The following CNKSR2 variants were observed in gnomAD, a reference collection of about 807,000 sequenced individuals.
The protein encoded by CNKSR2 is connector enhancer of kinase suppressor of Ras 2.
CNKSR2 carries 14 observed loss-of-function variants against 84.4 expected under a neutral mutation model. The ratio of observed to expected loss-of-function variants is 0.17; its 90% CI spans 0.11 to 0.26. The LOEUF is 0.26. CNKSR2 is among the 10% of genes least tolerant of loss of function. CNKSR2 has a pLI of 1.00. For missense variants in CNKSR2, 485 were observed against 771.2 expected (o/e 0.63, Z 4.40); for synonymous variants, 275 against 277.9 (o/e 0.99, Z 0.10).
rs757840420 is a variant in CNKSR2 at position 21,642,489 on chromosome X, G to T, written c.2693-6342G>T. The stretch of plus-strand genomic sequence containing the variant: ...ATACTATGTAACTGGGTCCCCTATG[G>T]CTCAATCAATATTGCTTATTTTTCT... On this transcript the variant is annotated intron_variant, in intron 20 of 21. Coordinates refer to ENST00000379510, the MANE Select transcript of CNKSR2 (RefSeq NM_014927.5). The T allele has an allele frequency of 8.0e-6, 6 of 750,290 alleles. No homozygotes were observed. The South Asian group carries it at 4.1e-4, about 51-fold the overall frequency. 61.8% of individuals were successfully genotyped at this position (750,290 alleles called of 1,213,427 possible).
intron 4 of CNKSR2, among the ~76,000 whole-genome samples, chrX:21,469,281 A>G (rs2091167204): frequency 8.9e-6 from 1 of 111,995 alleles, no homozygotes; most frequent in African/African-American, 3.2e-5. Context: ...CTTTTCCCAG[A>G]TTATCTCTCC....
chrX:21,597,907 C>T (rs2147262615), intron 17 of CNKSR2, among the ~76,000 whole-genome samples: 1 of 107,469 alleles, frequency 9.3e-6, no homozygotes, highest in South Asian at 4.0e-4. Context: ...TTTTCTGTTC[C>T]TCATTTAAAA....
intron 5 of CNKSR2, among the ~76,000 whole-genome samples, chrX:21,486,049 T>C (rs1047759576): frequency 9.0e-6 from 1 of 111,592 alleles, no homozygotes; most frequent in African/African-American, 3.3e-5. Context: ...ACAGAATTGC[T>C]TGAACCCGGG....
chrX:21,567,679 A>C (rs372088577), intron 13 of CNKSR2, among the ~76,000 whole-genome samples: 11 of 111,633 alleles, frequency 9.9e-5, no homozygotes, highest in African/African-American at 3.3e-4. Context: ...TCAAAAGAGC[A>C]TAACTTTATT....
At chrX:21,624,418 A>G (rs2092614232) in intron 20 of CNKSR2, among the ~76,000 whole-genome samples, 1 of 112,254 alleles carries the variant, frequency 8.9e-6, no homozygotes, top group Non-Finnish European at 1.9e-5. Context: ...TTTTGCCTAC[A>G]AAATCATAAT....
chrX:21,533,354 C>T (rs894991857), intron 11 of CNKSR2, among the ~76,000 whole-genome samples: 3 of 109,943 alleles, frequency 2.7e-5, no homozygotes, highest in Non-Finnish European at 5.7e-5. Context: ...TTCATTCATT[C>T]CACAAGTACT....
chrX:21,436,121 G>A (rs755901564), intron 3 of CNKSR2, among the ~76,000 whole-genome samples: 35 of 111,222 alleles, frequency 3.1e-4, no homozygotes, highest in Admixed American at 1.2e-3. Flanking sequence ...CACATCAAAC[G>A]CTACCAGATA....
intron 20 of CNKSR2, among the ~76,000 whole-genome samples, chrX:21,636,914 T>C (rs2092674783): frequency 9.0e-6 from 1 of 111,641 alleles, no homozygotes; most frequent in African/African-American, 3.2e-5. Context: ...ACATTTGCAA[T>C]GACAGTATCA....
intron 20 of CNKSR2, among the ~76,000 whole-genome samples, chrX:21,616,411 T>C (rs1015158575): frequency 1.8e-5 from 2 of 111,722 alleles, no homozygotes; most frequent in African/African-American, 6.5e-5. Context: ...CCTTTCAATT[T>C]TATTATTTAT....
rs2092723818 is a variant in CNKSR2, at chrX:21,652,686, A to G, written c.*165A>G. On this transcript the variant is annotated 3_prime_UTR_variant, in exon 22 of 22. Transcript: ENST00000379510. ...CACAATACCACTATCTTTAATGAGC[A>G]TTTGTATATTTTATATGCAACAGTG... is the stretch of plus-strand genomic sequence containing the variant. The G allele has an allele frequency of 1.9e-5, 8 of 424,125 alleles. No individual in the cohort carries two copies. In the East Asian group the frequency reaches 3.1e-4, roughly 16 times the overall value. 35.0% of individuals were successfully genotyped at this position (424,125 alleles called of 1,213,427 possible).
chrX:21,600,779 G>A (rs1003030973), intron 17 of CNKSR2, among the ~76,000 whole-genome samples: 1 of 112,340 alleles, frequency 8.9e-6, no homozygotes, highest in Non-Finnish European at 1.9e-5. Context: ...ACAAGTGTCC[G>A]AAGTACTCCC....
chrX:21,463,131 C>T (rs905931635), intron 4 of CNKSR2, among the ~76,000 whole-genome samples: 1 of 111,563 alleles, frequency 9.0e-6, no homozygotes, highest in African/African-American at 3.3e-5. Flanking sequence ...ATGTATCACA[C>T]TGACTGATTT....
intron 13 of CNKSR2, among the ~76,000 whole-genome samples, chrX:21,577,585 T>C (rs766396909): frequency 9.0e-6 from 1 of 110,649 alleles, no homozygotes; most frequent in African/African-American, 3.3e-5. Flanking sequence ...CCTAGCTTTA[T>C]AGCCTCAGAA....
intron 11 of CNKSR2, among the ~76,000 whole-genome samples, chrX:21,547,030 A>C (rs548492049): frequency 1.8e-5 from 2 of 112,053 alleles, no homozygotes; most frequent in Admixed American, 1.9e-4. Context: ...CTAATGGGCA[A>C]AATAACCAGC....
At position 21,432,781 on chromosome X, in the gene CNKSR2, G is replaced by C. The variant is rs1382460477; in HGVS notation, c.398G>C (p.Gly133Ala). The change falls in exon 3 of 22, where the codon GGA becomes GCA. Residue 133 changes from glycine (G) to alanine (A), a missense_variant. Transcript: ENST00000379510. ...DFLTSVVDLIGAAKSLLAWLD... is the reference protein window; with the variant it reads ...DFLTSVVDLIAAAKSLLAWLD... ...CTGACCTCAGTTGTGGATCTGATTG[G>C]AGCAGCCAAGAGTCTGCTTGCCTGG... 1 of 1,208,577 alleles carries C rather than the reference G, an allele frequency of 8.3e-7. No individual in the cohort carries two copies. The highest frequency in any genetic ancestry group is 1.1e-6 in the Non-Finnish European group (1 of 894,762).
intron 1 of CNKSR2, chrX:21,425,665 G>A (rs2090555873): frequency 9.0e-6 from 1 of 111,289 alleles, no homozygotes; most frequent in African/African-American, 3.3e-5. Flanking sequence ...TTATTTTCTT[G>A]GTATTCTTTA....
At chrX:21,544,762 C>T (rs935150467) in intron 11 of CNKSR2, among the ~76,000 whole-genome samples, 7 of 111,068 alleles carry the variant, frequency 6.3e-5, no homozygotes, top group Admixed American at 1.9e-4. Flanking sequence ...GGTGGGGCGT[C>T]GCCTCACCCT....
At chrX:21,575,438 G>A (rs1404832528) in intron 13 of CNKSR2, among the ~76,000 whole-genome samples, 1 of 110,982 alleles carries the variant, frequency 9.0e-6, no homozygotes, top group Non-Finnish European at 1.9e-5. Flanking sequence ...TTTAATAATA[G>A]AATTACTCTT....
At chrX:21,401,442 G>T (rs1222662209) in intron 1 of CNKSR2, among the ~76,000 whole-genome samples, 1 of 111,747 alleles carries the variant, frequency 8.9e-6, no homozygotes, top group Non-Finnish European at 1.9e-5. Context: ...ATTTATTTTG[G>T]CCTTTTTCAA....
Sources: gnomAD v4.1 joint callset for allele counts (sites outside exome capture counted in the v4.1 genomes callset) on GRCh38, gnomAD v4.1.1 for gene constraint, MANE v1.5 for transcripts, NCBI Gene and HGNC (gene_info 2026-07-23, HGNC 2026-07-21) for gene names.